ARHGEF10L: variants seen among roughly 807,000 people sequenced by gnomAD.
ARHGEF10L encodes the protein Rho guanine nucleotide exchange factor 10 like, also known as rho guanine nucleotide exchange factor 10-like protein.
A neutral mutation model predicts 141.2 loss-of-function variants in ARHGEF10L; 69 were observed. The observed-to-expected ratio is 0.49, with a 90% CI of 0.40 to 0.60. The LOEUF (loss-of-function observed/expected upper bound fraction) is 0.60. ARHGEF10L is among the 20% of genes least tolerant of loss of function. The pLI, the probability that ARHGEF10L is intolerant of heterozygous loss-of-function variation, is 0.00. For synonymous variants in ARHGEF10L, 711 were observed against 718.5 expected (o/e 0.99, Z 0.17); for missense variants, 1,482 against 1,734.3 (o/e 0.85, Z 2.58).
intron 9 of ARHGEF10L, chr1:17,618,661 G>A (rs75042003): frequency 0.019 from 11,597 of 620,122 alleles, 145 homozygotes; most frequent in South Asian, 0.036. Flanking sequence ...TCAGCAGCTG[G>A]GATCCCCTCT....
In ARHGEF10L at chr1:17,601,300, C is replaced by T. The variant is rs545224850; in HGVS notation, c.258-827C>T. On this transcript the variant is annotated intron_variant, in intron 4 of 28. Coordinates refer to ENST00000361221, the MANE Select transcript of ARHGEF10L (RefSeq NM_018125.4). Reference sequence around the variant, plus strand: ...AGATGCTCACCTGGGTCTCTTGGTTCGGGACGTGTCTGCTGGGCTCCTCTG... The same window carrying T: ...AGATGCTCACCTGGGTCTCTTGGTTTGGGACGTGTCTGCTGGGCTCCTCTG... 1.1e-4 allele frequency among the ~76,000 whole-genome samples: 17 copies of T among 152,242 alleles called. No homozygotes were observed. The South Asian group carries it at 1.2e-3, about 11-fold the overall frequency.
intron 15 of ARHGEF10L, among the ~76,000 whole-genome samples, chr1:17,629,205 T>G (rs963116877): frequency 1.2e-4 from 18 of 151,668 alleles, no homozygotes; most frequent in African/African-American, 4.1e-4. Flanking sequence ...TTTTTTTTTT[T>G]TTGTAGAGAT....
Position 17,627,597 on chromosome 1 carries a change from CA to C in ARHGEF10L, c.1584+95del. On this transcript the variant is annotated intron_variant, in intron 15 of 28. Coordinates refer to ENST00000361221, the MANE Select transcript of ARHGEF10L (RefSeq NM_018125.4). This position sits in a 1 kb window ranked among gnomAD's most constrained non-coding sequence, Gnocchi z 4.0. ...GCCCCACGCCACCCACACTAGGTGG[CA>C]GTGTTCTCTGAGGGAGGGGAGGCCT... The C allele has an allele frequency of 2.7e-6, 4 of 1,459,788 alleles. No individual in the cohort carries two copies. Among genetic ancestry groups the C allele is most frequent in the Non-Finnish European group, 3.7e-6 (4 of 1,084,370 alleles). 90.4% of individuals were successfully genotyped at this position (1,459,788 alleles called of 1,614,324 possible).
At chr1:17,694,907 T>C in intron 27 of ARHGEF10L, 1 of 661,034 alleles carries the variant, frequency 1.5e-6, no homozygotes, top group Non-Finnish European at 2.8e-6. Flanking sequence ...CCCCAATGCA[T>C]CCGTATGGCA....
chr1:17,692,631 G>T (rs1326131823), intron 27 of ARHGEF10L, among the ~76,000 whole-genome samples: 1 of 152,204 alleles, frequency 6.6e-6, no homozygotes, highest in East Asian at 1.9e-4. Context: ...CACCTGGGCA[G>T]CTGCGGGAGC....
intron 1 of ARHGEF10L, among the ~76,000 whole-genome samples, chr1:17,571,155 G>A (rs542379606): frequency 6.6e-6 from 1 of 152,124 alleles, no homozygotes; most frequent in Non-Finnish European, 1.5e-5. Context: ...GGGAGGAGCC[G>A]CGGTGTAGCC....
intron 1 of ARHGEF10L, among the ~76,000 whole-genome samples, chr1:17,559,029 G>A (rs1030510959): frequency 1.3e-5 from 2 of 152,214 alleles, no homozygotes; most frequent in African/African-American, 4.8e-5. Flanking sequence ...CTCAGTTGGG[G>A]TGTGGGGGGA....
At chr1:17,631,864 A>G (rs1189867652) in intron 15 of ARHGEF10L, among the ~76,000 whole-genome samples, 1 of 152,262 alleles carries the variant, frequency 6.6e-6, no homozygotes, top group African/African-American at 2.4e-5. Flanking sequence ...TCTGAGCAGT[A>G]GAGGTATCTG....
At chr1:17,589,719 C>T (rs1331205288) in intron 4 of ARHGEF10L, among the ~76,000 whole-genome samples, 1 of 152,202 alleles carries the variant, frequency 6.6e-6, no homozygotes, top group African/African-American at 2.4e-5. Flanking sequence ...ATTCGTCCTG[C>T]ACCTGGGCTG....
chr1:17,660,348 GCCTTT>G (rs929041924), intron 25 of ARHGEF10L, among the ~76,000 whole-genome samples: 2 of 152,178 alleles, frequency 1.3e-5, no homozygotes, highest in African/African-American at 4.8e-5. Context: ...GAGAGCTTGG[GCCTTT>G]CCTTTGCCCC....
At chr1:17,638,193 G>A (rs376739117) in intron 19 of ARHGEF10L, among the ~76,000 whole-genome samples, 190 bp downstream of exon 19, 1 of 152,236 alleles carries the variant, frequency 6.6e-6, no homozygotes, top group Non-Finnish European at 1.5e-5. Context: ...TTTTGCGGCC[G>A]CTGGTTCGGG....
chr1:17,587,503 AGAG>A lies in ARHGEF10L; in HGVS notation c.84_86del (p.Glu28del). 3.7e-6 allele frequency: 6 copies of A among 1,614,134 alleles called. No individual in the cohort carries two copies. The highest frequency in any genetic ancestry group is 5.1e-6 in the Non-Finnish European group (6 of 1,180,014). The stretch of plus-strand genomic sequence containing the variant: ...GAGTCCCAGGCCCCTCCTCTGAGGC[AGAG>A]GACGACCCAGGAGAGGCGTTTGAGT... On this transcript the variant is annotated inframe_deletion, in exon 3 of 29. Coordinates refer to ENST00000361221, the MANE Select transcript of ARHGEF10L (RefSeq NM_018125.4).
In ARHGEF10L at chr1:17,615,938, C is replaced by G. The variant is rs1452373631; in HGVS notation, c.727-156C>G. On this transcript the variant is annotated intron_variant, in intron 8 of 28. Coordinates refer to ENST00000361221, the MANE Select transcript of ARHGEF10L (RefSeq NM_018125.4). This position sits in a 1 kb window ranked among gnomAD's most constrained non-coding sequence, Gnocchi z 4.7. ...CCCGGGCATGAACGCACCTTCTCAC[C>G]CCCACTGTCGTCCTTGGCCTTTGCT... The G allele has an allele frequency of 3.1e-6, 2 of 646,902 alleles. No individual in the cohort carries two copies. The highest frequency in any genetic ancestry group is 1.8e-5 in the African/African-American group (1 of 55,148). 40.1% of individuals were successfully genotyped at this position (646,902 alleles called of 1,614,324 possible).
chr1:17,665,318 GCAGCTGTAAAT>G (rs72473379), intron 26 of ARHGEF10L, among the ~76,000 whole-genome samples: 2,964 of 152,320 alleles, frequency 0.019, 97 homozygotes, highest in African/African-American at 0.067. Flanking sequence ...TCTCTCTCAT[GCAGCTGTAAAT>G]CAGCTGCTCA....
intron 1 of ARHGEF10L, among the ~76,000 whole-genome samples, chr1:17,544,390 G>A (rs976042389): frequency 1.5e-4 from 22 of 151,710 alleles, no homozygotes; most frequent in African/African-American, 4.6e-4. Flanking sequence ...TCCCACGCAC[G>A]TTCAAGCGAT....
chr1:17,680,530 T>A (rs543767634), intron 26 of ARHGEF10L, among the ~76,000 whole-genome samples: 38 of 152,270 alleles, frequency 2.5e-4, no homozygotes, highest in African/African-American at 8.4e-4. Context: ...AGGGGCTCCG[T>A]GGGCAGGCTC....
intron 1 of ARHGEF10L, among the ~76,000 whole-genome samples, chr1:17,574,310 G>A (rs4920376): frequency 0.046 from 7,065 of 152,236 alleles, 236 homozygotes; most frequent in East Asian, 0.15. Context: ...TATGGGGCCC[G>A]GTGCAGACAG....
intron 4 of ARHGEF10L, among the ~76,000 whole-genome samples, chr1:17,594,516 C>T (rs1425907482): frequency 2.6e-5 from 4 of 152,076 alleles, no homozygotes; most frequent in African/African-American, 9.7e-5. Context: ...GAGTCTCTGT[C>T]GCCCAGGCTG....
intron 11 of ARHGEF10L, 40 bp from the exon 12 acceptor site, chr1:17,622,956 T>C: frequency 6.3e-7 from 1 of 1,582,492 alleles, no homozygotes; most frequent in Non-Finnish European, 8.6e-7. Flanking sequence ...GGAGAGAGGC[T>C]GCGGCCTGGC....
Sources: allele counts gnomAD v4.1 joint callset (sites outside exome capture counted in the v4.1 genomes callset), GRCh38; gene constraint gnomAD v4.1.1; non-coding constraint Gnocchi (gnomAD v3.1); transcripts MANE v1.5; gene names NCBI Gene and HGNC (gene_info 2026-07-23, HGNC 2026-07-21).